PHACTR1: variants seen among roughly 807,000 people sequenced by gnomAD.
The protein encoded by PHACTR1 is RPEL repeat containing 1.
A neutral mutation model predicts 69.2 loss-of-function variants in PHACTR1; 16 were observed. The observed-to-expected ratio is 0.23, with a 90% CI of 0.16 to 0.35. The LOEUF is 0.35. Ranked by LOEUF, PHACTR1 falls within the 10% of genes least tolerant of loss-of-function variation. The probability of loss-of-function intolerance (pLI) is 1.00; values close to 1 mark genes in which losing one functional copy is unlikely to be tolerated. For synonymous variants in PHACTR1, 312 were observed against 284.5 expected, an observed-to-expected ratio of 1.10 and a Z score of -0.97; for missense variants, 510 against 734.7, an observed-to-expected ratio of 0.69 and a Z score of 3.54.
chr6:12,906,584 G>A (rs1264916959), intron 4 of PHACTR1, among the ~76,000 whole-genome samples: 6 of 152,172 alleles, frequency 3.9e-5, no homozygotes, highest in African/African-American at 1.4e-4. Flanking sequence ...CATAAAAGGA[G>A]AATTTTTTGG....
chr6:12,821,299 T>TA (rs1386755027), intron 4 of PHACTR1, among the ~76,000 whole-genome samples: 1 of 151,726 alleles, frequency 6.6e-6, no homozygotes, highest in Non-Finnish European at 1.5e-5. Context: ...CCGTCTCTAC[T>TA]AAAAAATACA....
intron 3 of PHACTR1, among the ~76,000 whole-genome samples, chr6:12,723,500 T>A (rs1033769883): frequency 9.2e-6 from 1 of 108,406 alleles, no homozygotes; most frequent in Non-Finnish European, 1.9e-5. Flanking sequence ...TTTTTTTTTT[T>A]TTTTTGAGAG....
At chr6:13,133,601 A>G (rs1356639193) in intron 5 of PHACTR1, among the ~76,000 whole-genome samples, 6 of 152,046 alleles carry the variant, frequency 3.9e-5, no homozygotes, top group African/African-American at 1.2e-4. Context: ...TCAGTGCTCA[A>G]TGTTGCCCAG....
At chr6:13,214,556 C>T (rs1211924256) in intron 8 of PHACTR1, among the ~76,000 whole-genome samples, 1 of 151,986 alleles carries the variant, frequency 6.6e-6, no homozygotes, top group Non-Finnish European at 1.5e-5. Flanking sequence ...TGTAGGGAAT[C>T]GTATTTGATA....
intron 14 of PHACTR1, among the ~76,000 whole-genome samples, chr6:13,286,781 G>T (rs1212776896): frequency 6.6e-6 from 1 of 152,248 alleles, no homozygotes; most frequent in Admixed American, 6.5e-5. Context: ...TAGAGAAATA[G>T]GATATAGCAA....
At chr6:13,012,909 G>A (rs1166871798) in intron 4 of PHACTR1, among the ~76,000 whole-genome samples, 5 of 152,220 alleles carry the variant, frequency 3.3e-5, no homozygotes, top group Admixed American at 1.3e-4. Flanking sequence ...TAAAGGCACT[G>A]TTCTCCCTGC....
chr6:12,982,987 A>G (rs542223708), intron 4 of PHACTR1, among the ~76,000 whole-genome samples: 1 of 152,360 alleles, frequency 6.6e-6, no homozygotes, highest in South Asian at 2.1e-4. Context: ...CATGAAGACC[A>G]ATCTTGATTT....
intron 4 of PHACTR1, among the ~76,000 whole-genome samples, chr6:12,778,333 G>T (rs575643043): frequency 1.3e-5 from 2 of 152,294 alleles, no homozygotes; most frequent in African/African-American, 4.8e-5. Context: ...ATGTTGTTTG[G>T]CTGAAATTAA....
At chr6:13,230,370 G>A in intron 10 of PHACTR1, 177 bp downstream of exon 10, 1 of 1,399,070 alleles carries the variant, frequency 7.1e-7, no homozygotes, top group Non-Finnish European at 9.4e-7. Context: ...TGGCCAACAT[G>A]GTGAAACCCC....
At chr6:12,963,483 G>A (rs1416062311) in intron 4 of PHACTR1, among the ~76,000 whole-genome samples, 1 of 151,654 alleles carries the variant, frequency 6.6e-6, no homozygotes, top group Non-Finnish European at 1.5e-5. Context: ...AACTGACGAT[G>A]GTGAAAAAAA....
At chr6:13,067,014 G>C (rs1808752294) in intron 5 of PHACTR1, among the ~76,000 whole-genome samples, 1 of 152,160 alleles carries the variant, frequency 6.6e-6, no homozygotes, top group Admixed American at 6.5e-5. Context: ...GCTTGTCTTT[G>C]GAAGCCAGCT....
At chr6:13,284,082 T>C (rs931239671) in intron 13 of PHACTR1, among the ~76,000 whole-genome samples, 29 of 152,304 alleles carry the variant, frequency 1.9e-4, no homozygotes, top group African/African-American at 7.0e-4. Context: ...CAGTTTGTTT[T>C]TTAGGAAAAG....
intron 4 of PHACTR1, among the ~76,000 whole-genome samples, chr6:12,783,480 C>T (rs1182940684): frequency 2.6e-5 from 4 of 152,126 alleles, no homozygotes; most frequent in Non-Finnish European, 5.9e-5. Flanking sequence ...TCAATGACAG[C>T]TGAGGTGCAA....
At chr6:12,770,957 T>A (rs1769306509) in intron 4 of PHACTR1, among the ~76,000 whole-genome samples, 1 of 152,126 alleles carries the variant, frequency 6.6e-6, no homozygotes, top group Non-Finnish European at 1.5e-5. Flanking sequence ...GCAAATCGCA[T>A]GCACACATTG....
chr6:13,183,248 A>G (rs1046973138), intron 7 of PHACTR1, among the ~76,000 whole-genome samples: 2 of 152,192 alleles, frequency 1.3e-5, no homozygotes, highest in African/African-American at 2.4e-5. Flanking sequence ...TGAGTGGCCA[A>G]TACTCATCCT....
intron 4 of PHACTR1, among the ~76,000 whole-genome samples, chr6:13,025,703 G>C (rs905958751): frequency 6.8e-4 from 104 of 151,870 alleles, no homozygotes; most frequent in Non-Finnish European, 1.4e-3. Flanking sequence ...GTGTGTGTGT[G>C]TGTGTGTCTG....
rs1452889459 is a variant in PHACTR1, at chr6:13,102,226, T to C, written c.415+48697T>C. 3.8e-4 allele frequency among the ~76,000 whole-genome samples: 58 copies of C among 152,150 alleles called. 2 individuals carry two copies. On this transcript the variant is annotated intron_variant, in intron 5 of 14. Transcript: ENST00000332995. Reference sequence around the variant, plus strand: ...CAAGCCCCATGGAAGGAACTATTGATTGGGCTGGAGGAAAAACAAGTACAA... The same window carrying C: ...CAAGCCCCATGGAAGGAACTATTGACTGGGCTGGAGGAAAAACAAGTACAA...
At chr6:13,033,058 T>C (rs995880948) in intron 4 of PHACTR1, among the ~76,000 whole-genome samples, 8 of 152,220 alleles carry the variant, frequency 5.3e-5, no homozygotes, top group African/African-American at 1.7e-4. Context: ...CCCACTCTTA[T>C]GATTTCATTG....
chr6:12,779,490 A>G (rs1770539598), intron 4 of PHACTR1, among the ~76,000 whole-genome samples: 1 of 152,126 alleles, frequency 6.6e-6, no homozygotes, highest in Non-Finnish European at 1.5e-5. Flanking sequence ...GCTTTGGGAA[A>G]TATTTCCCTT....
Sources: gnomAD v4.1 joint callset for allele counts (sites outside exome capture counted in the v4.1 genomes callset) on GRCh38, gnomAD v4.1.1 for gene constraint, MANE v1.5 for transcripts, NCBI Gene and HGNC (gene_info 2026-07-23, HGNC 2026-07-21) for gene names.